The following ZCCHC14 variants were observed in gnomAD, a reference collection of about 807,000 sequenced individuals.
ZCCHC14 encodes zinc finger CCHC domain-containing protein 14.
In ZCCHC14, 16 loss-of-function variants were observed where a neutral mutation model predicts 85.0. That is an observed-to-expected ratio of 0.19 (90% confidence interval 0.13 to 0.29). ZCCHC14 has a LOEUF of 0.29. Ranked by LOEUF, ZCCHC14 falls within the 10% of genes least tolerant of loss-of-function variation. The pLI is 1.00. For synonymous variants in ZCCHC14, 775 were observed against 630.7 expected (o/e 1.23, Z -3.43); for missense variants, 1,303 against 1,443.5 (o/e 0.90, Z 1.58).
chr16:87,444,030 C>G (rs1180596713), intron 2 of ZCCHC14, among the ~76,000 whole-genome samples: 1 of 119,440 alleles, frequency 8.4e-6, no homozygotes, highest in African/African-American at 3.1e-5. Flanking sequence ...GAGTGAGACT[C>G]TATCACAGAA....
chr16:87,477,344 G>A (rs1393472574), intron 1 of ZCCHC14, among the ~76,000 whole-genome samples: 8 of 152,196 alleles, frequency 5.3e-5, no homozygotes. Context: ...GGCGAAGGCA[G>A]GGAGAGGAGC....
At chr16:87,468,026 C>T (rs1254778554) in intron 1 of ZCCHC14, among the ~76,000 whole-genome samples, 5 of 152,254 alleles carry the variant, frequency 3.3e-5, no homozygotes, top group Admixed American at 6.5e-5. Flanking sequence ...CGTGAGCCAC[C>T]GCGCCTGGCC....
intron 1 of ZCCHC14, among the ~76,000 whole-genome samples, chr16:87,475,810 G>C (rs1911981240): frequency 6.6e-6 from 1 of 152,150 alleles, no homozygotes; most frequent in African/African-American, 2.4e-5. Flanking sequence ...CATAAGGAGA[G>C]AGAGATTGAG....
chr16:87,461,831 G>C (rs1312437783), intron 1 of ZCCHC14, among the ~76,000 whole-genome samples: 5 of 152,230 alleles, frequency 3.3e-5, no homozygotes, highest in Admixed American at 6.5e-5. Flanking sequence ...TCCCAGCTCT[G>C]TCAATGCCCC....
intron 1 of ZCCHC14, among the ~76,000 whole-genome samples, chr16:87,465,694 A>G (rs964797916): frequency 6.6e-6 from 1 of 152,228 alleles, no homozygotes; most frequent in Non-Finnish European, 1.5e-5. Flanking sequence ...GGTTTGATTC[A>G]TGAGGTCCGG....
At chr16:87,431,993 CG>C (rs1488303329) in intron 3 of ZCCHC14, among the ~76,000 whole-genome samples, 1 of 152,174 alleles carries the variant, frequency 6.6e-6, no homozygotes, top group East Asian at 1.9e-4. Flanking sequence ...AAACGCACAG[CG>C]TAACAACTGC....
Position 87,413,214 on chromosome 16 carries a change from G to C in ZCCHC14, c.1604-19C>G. The C allele has an allele frequency of 6.6e-7, 1 of 1,520,366 alleles. No individual in the cohort carries two copies. The highest frequency in any genetic ancestry group is 8.8e-7 in the Non-Finnish European group (1 of 1,136,236). The allele number at this position is 1,520,366 out of a possible 1,614,324, so 94.2% of individuals were successfully genotyped here. A position where few individuals can be genotyped will look rare whatever the true frequency, so the allele number is the denominator to read the frequency against. On this transcript the variant is annotated intron_variant, in intron 10 of 12. Coordinates refer to ENST00000671377, the MANE Select transcript of ZCCHC14 (RefSeq NM_015144.3). The stretch of plus-strand genomic sequence containing the variant: ...CGCAGCTCTGCAGAAAAGGGACAGA[G>C]GAGCAGCCATCAACTAGCGCCCCTG...
chr16:87,433,748 T>C (rs979367186), intron 2 of ZCCHC14, among the ~76,000 whole-genome samples: 6 of 152,100 alleles, frequency 3.9e-5, no homozygotes, highest in African/African-American at 7.2e-5. Context: ...TTCAAGCGAT[T>C]CTCGTGCCTC....
At chr16:87,476,507 T>C (rs1296598077) in intron 1 of ZCCHC14, among the ~76,000 whole-genome samples, 2 of 151,996 alleles carry the variant, frequency 1.3e-5, no homozygotes, top group Non-Finnish European at 2.9e-5. Flanking sequence ...AGTGACCAGC[T>C]TCTTACACTG....
At chr16:87,468,928 G>T (rs1158130855) in intron 1 of ZCCHC14, among the ~76,000 whole-genome samples, 1 of 152,214 alleles carries the variant, frequency 6.6e-6, no homozygotes, top group African/African-American at 2.4e-5. Context: ...TGGAATACCT[G>T]GGAGCTGGCA....
At chr16:87,482,552 T>C (rs561344344) in intron 1 of ZCCHC14, among the ~76,000 whole-genome samples, 58 of 152,274 alleles carry the variant, frequency 3.8e-4, no homozygotes, top group African/African-American at 1.4e-3. Context: ...TTCCTGGGGA[T>C]TCCTCTGTGT....
chr16:87,482,539 C>T (rs1912328030), intron 1 of ZCCHC14, among the ~76,000 whole-genome samples: 2 of 152,312 alleles, frequency 1.3e-5, no homozygotes, highest in South Asian at 4.1e-4. Flanking sequence ...CCCAAAAAAA[C>T]CCTTCCTGGG....
intron 1 of ZCCHC14, among the ~76,000 whole-genome samples, chr16:87,477,153 C>CAAAAAAAAAAA (rs1412376609): frequency 1.6e-4 from 19 of 116,188 alleles, no homozygotes; most frequent in African/African-American, 8.1e-4. Flanking sequence ...AAAACAAAAC[C>CAAAAAAAAAAA]AAAAAAAAAT....
chr16:87,412,649 C>A lies in ZCCHC14; in HGVS notation c.2072G>T (p.Ser691Ile). The change falls in exon 12 of 13, where the codon AGC becomes ATC. Residue 691 changes from serine to isoleucine, a missense_variant. Physicochemically the swap from Ser to Ile is moderately radical, Grantham distance 142 (BLOSUM62 -2). This residue lies in a region of ZCCHC14 where 797 missense variants were observed against 730.8 expected (regional missense o/e 1.09). Coordinates refer to ENST00000671377, the MANE Select transcript of ZCCHC14 (RefSeq NM_015144.3). ...GPRSSMKVDK[S>I]FGSAMMDVLP... The stretch of plus-strand genomic sequence containing the variant: ...CACGTCCATCATGGCGCTGCCAAAG[C>A]TCTTGTCCACTTTCATGCTGCTTCT... The A allele has an allele frequency of 6.2e-7, 1 of 1,614,244 alleles. No homozygotes were observed. The highest frequency in any genetic ancestry group is 8.5e-7 in the Non-Finnish European group (1 of 1,180,044).
chr16:87,409,603 G>A lies in ZCCHC14; in HGVS notation c.*677C>T, dbSNP rs942230757. The A allele has an allele frequency of 6.6e-6, 1 of 152,568 alleles. No homozygotes were observed. Among genetic ancestry groups the A allele is most frequent in the Non-Finnish European group, 1.5e-5 (1 of 68,040 alleles). The allele number at this position is 152,568 out of a possible 1,614,324, so 9.5% of individuals were successfully genotyped here. A position where few individuals can be genotyped will look rare whatever the true frequency, so the allele number is the denominator to read the frequency against. ...AGAAAAAAATTAAAAACCTGAAACT[G>A]CTACAAGTGCTTGGAGGAGGGAAGG... On this transcript the variant is annotated 3_prime_UTR_variant, in exon 13 of 13. Transcript: ENST00000671377.
intron 1 of ZCCHC14, among the ~76,000 whole-genome samples, chr16:87,460,744 A>G (rs1007218208): frequency 6.6e-6 from 1 of 152,148 alleles, no homozygotes; most frequent in African/African-American, 2.4e-5. Flanking sequence ...ATATATTTTT[A>G]TTTGAGGCAA....
rs1908551265 is a variant in ZCCHC14, at chr16:87,412,909, G to C, written c.1812C>G (p.Ser604=). Residue 604 remains serine (S), a synonymous_variant, in exon 12 of 13, where the codon TCC becomes TCG. Transcript: ENST00000671377. ...CCTGGGCCGTGGGTCTGGCGGAACTGGAAGTGAAGTGATTCAGCAGCATCA... is the reference window on the plus strand; with the variant it reads ...CCTGGGCCGTGGGTCTGGCGGAACTCGAAGTGAAGTGATTCAGCAGCATCA... The part of the protein sequence containing the change: ...KPVMLLNHFT[S]SSARPTAQVL... 3 of 1,601,394 alleles carry C rather than the reference G, an allele frequency of 1.9e-6. No individual in the cohort carries two copies. The highest frequency in any genetic ancestry group is 2.2e-5 in the South Asian group (2 of 89,046).
chr16:87,444,604 C>A (rs1910343662), intron 2 of ZCCHC14, among the ~76,000 whole-genome samples: 3 of 152,174 alleles, frequency 2.0e-5, no homozygotes, highest in South Asian at 2.1e-4. Context: ...CGACAGGACA[C>A]AGTGAGAGCA....
At chr16:87,434,307 G>GC (rs1909806438) in intron 2 of ZCCHC14, among the ~76,000 whole-genome samples, 1 of 152,228 alleles carries the variant, frequency 6.6e-6, no homozygotes, top group South Asian at 2.1e-4. Context: ...AGGCAGGCCT[G>GC]CCCCGCTGAT....
Sources: gnomAD v4.1 joint callset for allele counts (sites outside exome capture counted in the v4.1 genomes callset) on GRCh38, gnomAD v4.1.1 for gene constraint, gnomAD v4.1.1 regional missense constraint, MANE v1.5 for transcripts, NCBI Gene and HGNC (gene_info 2026-07-23, HGNC 2026-07-21) for gene names.